Variants in FN3KRP observed in about 807,000 individuals in gnomAD.
FN3KRP encodes fructosamine 3 kinase related protein.
In FN3KRP, 33 loss-of-function variants were observed where a neutral mutation model predicts 29.8. That is an observed-to-expected ratio of 1.11 (90% CI 0.84 to 1.48). The LOEUF is 1.48. Among genes scored for constraint, FN3KRP ranks in the 40% most tolerant of loss-of-function variants. The pLI is 0.00. For missense variants in FN3KRP, 430 were observed against 402.6 expected (o/e 1.07, Z -0.58); for synonymous variants, 157 against 155.2 (o/e 1.01, Z -0.09).
In FN3KRP at chr17:82,716,777, G is replaced by C; in HGVS notation, c.22G>C (p.Glu8Gln). The C allele has an allele frequency of 2.6e-6, 4 of 1,533,216 alleles. No individual in the cohort carries two copies. Among genetic ancestry groups the C allele is most frequent in the Non-Finnish European group, 3.5e-6 (4 of 1,147,998 alleles). 95.0% of individuals were successfully genotyped at this position (1,533,216 alleles called of 1,614,324 possible). Residue 8 changes from glutamate (E) to glutamine (Q), a missense_variant, in exon 1 of 6, where the codon GAG (glutamate) becomes CAG (glutamine). Transcript: ENST00000269373. MEELLRR[E>Q]LGCSSVRATG... ...GAACATGGAGGAGCTCCTGAGGCGCGAGCTGGGCTGCAGCTCTGTCAGGGC... is the reference window on the plus strand; with the variant it reads ...GAACATGGAGGAGCTCCTGAGGCGCCAGCTGGGCTGCAGCTCTGTCAGGGC...
In FN3KRP at chr17:82,716,791, C is replaced by T. The variant is rs1206659933; in HGVS notation, c.36C>T (p.Ser12=). ...TCCTGAGGCGCGAGCTGGGCTGCAG[C>T]TCTGTCAGGGCCACGGGCCACTCGG... ...EELLRRELGC[S]SVRATGHSGG... The change falls in exon 1 of 6, where the codon AGC becomes AGT. Residue 12 remains serine (S), a synonymous_variant. Coordinates refer to ENST00000269373, the MANE Select transcript of FN3KRP (RefSeq NM_024619.4). 4 of 1,544,632 alleles carry T rather than the reference C, an allele frequency of 2.6e-6. No individual in the cohort carries two copies. Among genetic ancestry groups the T allele is most frequent in the African/African-American group, 2.9e-5 (2 of 69,736 alleles).
intron 1 of FN3KRP, 149 bp from the exon 2 acceptor site, chr17:82,718,757 G>A (rs1465063276): frequency 6.5e-6 from 8 of 1,222,526 alleles, no homozygotes; most frequent in Non-Finnish European, 9.2e-6. Context: ...TGGCAAGTGT[G>A]TTTGAAAACA....
chr17:82,720,542 C>A (rs376106465), intron 3 of FN3KRP, among the ~76,000 whole-genome samples, 179 bp downstream of exon 3: 27 of 152,318 alleles, frequency 1.8e-4, no homozygotes, highest in African/African-American at 5.5e-4. Context: ...GACTGTGATG[C>A]GTCTGTTGTG....
In FN3KRP at chr17:82,718,422, T is replaced by G. The variant is rs117575047; in HGVS notation, c.142-484T>G. On this transcript the variant is annotated intron_variant, in intron 1 of 5. Transcript: ENST00000269373. ...TTCCAGTGCTGGGCAGGAGGTGGCATGGAACTTGGTGGTCTCTTCAGGTGA... is the reference window on the plus strand; with the variant it reads ...TTCCAGTGCTGGGCAGGAGGTGGCAGGGAACTTGGTGGTCTCTTCAGGTGA... The G allele has an allele frequency of 2.3e-4, 228 of 987,904 alleles. 3 individuals are homozygous for G. In the East Asian group the frequency reaches 0.023, roughly 99 times the overall value. 61.2% of individuals were successfully genotyped at this position (987,904 alleles called of 1,614,324 possible). A position where few individuals can be genotyped will look rare whatever the true frequency, so the allele number is the denominator to read the frequency against.
At chr17:82,722,713 G>A (rs3748812) in intron 3 of FN3KRP, 91 bp from the exon 4 acceptor site, 486,079 of 1,255,982 alleles carry the variant, frequency 0.39, 97,587 homozygotes, top group South Asian at 0.57. Context: ...GTAGGAGCTC[G>A]CTGAGGTCGT....
chr17:82,716,769 T>A lies in FN3KRP; in HGVS notation c.14T>A (p.Leu5Gln). 6.5e-7 allele frequency: 1 copy of A among 1,527,030 alleles called. No homozygotes were observed. The highest frequency in any genetic ancestry group is 8.7e-7 in the Non-Finnish European group (1 of 1,145,256). The allele number at this position is 1,527,030 out of a possible 1,614,324, so 94.6% of individuals were successfully genotyped here. ...CGCGGCGGGAACATGGAGGAGCTCC[T>A]GAGGCGCGAGCTGGGCTGCAGCTCT... MEEL[L>Q]RRELGCSSVR... is the part of the protein sequence containing the mutation. The change falls in exon 1 of 6, where the codon CTG becomes CAG. Residue 5 changes from leucine (L) to glutamine (Q), a missense_variant. Physicochemically the swap from Leu to Gln is moderately radical, Grantham distance 113. Coordinates refer to ENST00000269373, the MANE Select transcript of FN3KRP (RefSeq NM_024619.4).
intron 4 of FN3KRP, among the ~76,000 whole-genome samples, chr17:82,723,402 TA>T (rs1007890607): frequency 6.6e-6 from 1 of 151,816 alleles, no homozygotes; most frequent in African/African-American, 2.4e-5. Context: ...GAAACCTGCT[TA>T]GGGGCGGGGA....
chr17:82,718,780 A>G, intron 1 of FN3KRP, 126 bp from the exon 2 acceptor site: 1 of 1,282,326 alleles, frequency 7.8e-7, no homozygotes, highest in Non-Finnish European at 1.1e-6. Context: ...GTCCATGTGT[A>G]TGGAATCCTC....
chr17:82,717,519 A>G (rs1473366109), intron 1 of FN3KRP, among the ~76,000 whole-genome samples: 1 of 146,724 alleles, frequency 6.8e-6, no homozygotes, highest in Admixed American at 6.9e-5. Flanking sequence ...GGAGTTCGAG[A>G]CCAGCCTGGC....
chr17:82,718,738 C>T (rs2046777055), intron 1 of FN3KRP, among the ~76,000 whole-genome samples, 168 bp from the exon 2 acceptor site: 1 of 152,186 alleles, frequency 6.6e-6, no homozygotes, highest in African/African-American at 2.4e-5. Flanking sequence ...AACCTGTAGC[C>T]TACCCTGTTG....
Position 82,727,843 on chromosome 17 carries a change from C to T in FN3KRP, c.*672C>T, listed in dbSNP as rs993820088. 1 of 152,164 alleles carries T rather than the reference C, an allele frequency of 6.6e-6. No homozygotes were observed. Among genetic ancestry groups the T allele is most frequent in the African/African-American group, 2.4e-5 (1 of 41,436 alleles). The allele number at this position is 152,164 out of a possible 1,614,324, so 9.4% of individuals were successfully genotyped here. A position where few individuals can be genotyped will look rare whatever the true frequency, so the allele number is the denominator to read the frequency against. On this transcript the variant is annotated 3_prime_UTR_variant, in exon 6 of 6. Coordinates refer to ENST00000269373, the MANE Select transcript of FN3KRP (RefSeq NM_024619.4). The stretch of plus-strand genomic sequence containing the variant: ...TCTGTTATTACCCCGTCTCCTCTGC[C>T]ATTTTCTACAGCTTGCTGAGTTGTC...
At chr17:82,726,710 G>A in intron 5 of FN3KRP, 108 bp downstream of exon 5, 1 of 1,514,382 alleles carries the variant, frequency 6.6e-7, no homozygotes, top group Non-Finnish European at 8.9e-7. Flanking sequence ...ATTCTGGGTG[G>A]GAAGCGGGTG....
chr17:82,720,353 GGGCACAGTGGGTAT>G lies in FN3KRP; in HGVS notation c.381_385+9del. ...TTGGAGAGATGCGCCTGAAGGAGGCGGGCACAGTGGGTATGGCACTGCGCGGGCCACGGGTGCTC... is the reference window on the plus strand; with the variant it reads ...TTGGAGAGATGCGCCTGAAGGAGGCGGGCACTGCGCGGGCCACGGGTGCTC... On this transcript the variant is annotated splice_donor_variant and splice_donor_region_variant and coding_sequence_variant and intron_variant, in exon 3 of 6. Coordinates refer to ENST00000269373, the MANE Select transcript of FN3KRP (RefSeq NM_024619.4). LOFTEE classifies it high-confidence loss of function. 1 of 1,613,186 alleles carries G rather than the reference GGGCACAGTGGGTAT, an allele frequency of 6.2e-7. No individual in the cohort carries two copies. The highest frequency in any genetic ancestry group is 8.5e-7 in the Non-Finnish European group (1 of 1,179,856).
intron 4 of FN3KRP, among the ~76,000 whole-genome samples, chr17:82,725,162 C>T (rs1598335595): frequency 6.6e-6 from 1 of 152,078 alleles, no homozygotes; most frequent in Non-Finnish European, 1.5e-5. Flanking sequence ...GAGTCTCTCT[C>T]TGTTGCCCAG....
intron 2 of FN3KRP, 84 bp from the exon 3 acceptor site, chr17:82,720,188 C>G (rs991937249): frequency 6.5e-5 from 73 of 1,122,676 alleles, no homozygotes; most frequent in Non-Finnish European, 8.8e-5. Flanking sequence ...AAGTTTGACC[C>G]TCTTTATGTG....
chr17:82,723,563 G>T (rs565795331), intron 4 of FN3KRP, among the ~76,000 whole-genome samples: 1 of 145,064 alleles, frequency 6.9e-6, no homozygotes, highest in Admixed American at 6.6e-5. Flanking sequence ...GCGCATATGT[G>T]TATGTGTGTG....
At chr17:82,722,046 C>A (rs1473963547) in intron 3 of FN3KRP, among the ~76,000 whole-genome samples, 2 of 150,668 alleles carry the variant, frequency 1.3e-5, no homozygotes, top group Non-Finnish European at 3.0e-5. Flanking sequence ...GTTGGTCAGG[C>A]TGGTCTCAAA....
chr17:82,723,141 G>GTTTTT (rs575673097), intron 4 of FN3KRP, among the ~76,000 whole-genome samples: 2 of 152,038 alleles, frequency 1.3e-5, no homozygotes, highest in East Asian at 3.9e-4. Flanking sequence ...TTTAACAAAT[G>GTTTTT]TTTTAGGTAT....
At chr17:82,726,136 C>T (rs2046835293) in intron 4 of FN3KRP, among the ~76,000 whole-genome samples, 1 of 151,994 alleles carries the variant, frequency 6.6e-6, no homozygotes, top group Middle Eastern at 3.2e-3. Flanking sequence ...GCCGAGATGG[C>T]GCCACTGCAC....
Sources: allele counts gnomAD v4.1 joint callset (sites outside exome capture counted in the v4.1 genomes callset), GRCh38; gene constraint gnomAD v4.1.1; transcripts MANE v1.5; gene names NCBI Gene and HGNC (gene_info 2026-07-23, HGNC 2026-07-21).